PRKAR1B: variants seen among roughly 807,000 people sequenced by gnomAD.
PRKAR1B encodes protein kinase cAMP-dependent type I regulatory subunit beta.
A neutral mutation model predicts 46.5 loss-of-function variants in PRKAR1B; 22 were observed. The observed-to-expected ratio is 0.47, with a 90% confidence interval of 0.34 to 0.68. The LOEUF (loss-of-function observed/expected upper bound fraction) is 0.68. Ranked by LOEUF, PRKAR1B falls within the 30% of genes least tolerant of loss-of-function variation. The pLI is 0.01. For missense variants in PRKAR1B, 445 were observed against 535.6 expected, an observed-to-expected ratio of 0.83 and a Z score of 1.67; for synonymous variants, 259 against 217.7, an observed-to-expected ratio of 1.19 and a Z score of -1.67.
At chr7:692,272 C>A (rs961203258) in intron 2 of PRKAR1B, among the ~76,000 whole-genome samples, 1 of 152,196 alleles carries the variant, frequency 6.6e-6, no homozygotes, top group African/African-American at 2.4e-5. Context: ...TGGTGGCGCA[C>A]GCCTGTAATC....
At chr7:556,875 G>A (rs533961073) in intron 9 of PRKAR1B, among the ~76,000 whole-genome samples, 13 of 152,310 alleles carry the variant, frequency 8.5e-5, no homozygotes, top group Non-Finnish European at 1.5e-4. Context: ...GAAAGTCTGC[G>A]TCATAAAAGA....
intron 2 of PRKAR1B, among the ~76,000 whole-genome samples, chr7:703,715 A>C (rs1780177643): frequency 6.6e-6 from 1 of 152,006 alleles, no homozygotes. Flanking sequence ...AACCCCTCAA[A>C]CAACCAGACC....
intron 4 of PRKAR1B, among the ~76,000 whole-genome samples, chr7:669,883 T>TTTTTTTTTTG (rs770566286): frequency 6.9e-6 from 1 of 144,738 alleles, no homozygotes; most frequent in African/African-American, 2.6e-5. Flanking sequence ...TTTTTTTTTT[T>TTTTTTTTTTG]GAGACGGAGT....
At chr7:570,466 T>C (rs542807525) in intron 9 of PRKAR1B, among the ~76,000 whole-genome samples, 223 of 152,060 alleles carry the variant, frequency 1.5e-3, no homozygotes, top group Non-Finnish European at 2.1e-3. Context: ...TCCCCGAGGC[T>C]GTCAGGATGC....
At chr7:583,662 A>G (rs10267019) in intron 8 of PRKAR1B, among the ~76,000 whole-genome samples, 6 of 138,414 alleles carry the variant, frequency 4.3e-5, no homozygotes, top group Admixed American at 7.0e-5. Context: ...ACCCATGCGC[A>G]CACACCCACA....
intron 7 of PRKAR1B, among the ~76,000 whole-genome samples, chr7:585,676 C>A (rs1398152722): frequency 6.6e-6 from 1 of 152,012 alleles, no homozygotes; most frequent in East Asian, 1.9e-4. Flanking sequence ...ACACACTGAC[C>A]CACATCGACC....
intron 7 of PRKAR1B, among the ~76,000 whole-genome samples, chr7:588,816 A>ATGGTGGTGACGGTGGTGATGG (rs1562542313): frequency 2.3e-5 from 1 of 42,668 alleles, no homozygotes. Context: ...GGTGATCACG[A>ATGGTGGTGACGGTGGTGATGG]TGATGGTGGT....
chr7:635,580 C>T (rs1784000742), intron 4 of PRKAR1B, among the ~76,000 whole-genome samples: 1 of 152,200 alleles, frequency 6.6e-6, no homozygotes, highest in Non-Finnish European at 1.5e-5. Context: ...GGAACCCAGG[C>T]CTGGAGCCCG....
chr7:633,917 T>C (rs1290162846), intron 4 of PRKAR1B, among the ~76,000 whole-genome samples: 3 of 152,168 alleles, frequency 2.0e-5, no homozygotes. Context: ...CCAGGCACAG[T>C]GGCTCACACC....
intron 2 of PRKAR1B, among the ~76,000 whole-genome samples, chr7:685,170 G>C (rs1162635496): frequency 1.4e-5 from 2 of 147,256 alleles, no homozygotes; most frequent in African/African-American, 2.5e-5. Context: ...ATCTTAAAAA[G>C]AGACAAAGAC....
At chr7:671,604 G>A (rs528110500) in intron 4 of PRKAR1B, among the ~76,000 whole-genome samples, 8 of 152,178 alleles carry the variant, frequency 5.3e-5, no homozygotes, top group South Asian at 4.2e-4. Context: ...GATTATAGGC[G>A]TGTACCACCA....
chr7:569,626 C>T (rs1355109707), intron 9 of PRKAR1B, among the ~76,000 whole-genome samples: 1 of 152,158 alleles, frequency 6.6e-6, no homozygotes, highest in African/African-American at 2.4e-5. Context: ...GGGTCAGAGC[C>T]GGGTGGACCT....
chr7:645,190 G>T (rs906399827), intron 4 of PRKAR1B, among the ~76,000 whole-genome samples: 1 of 152,118 alleles, frequency 6.6e-6, no homozygotes, highest in African/African-American at 2.4e-5. Context: ...ATGAGAACCC[G>T]GCCTGCAGCA....
At chr7:726,658 C>T (rs902742197) in intron 1 of PRKAR1B, 2 of 1,165,532 alleles carry the variant, frequency 1.7e-6, no homozygotes, top group Non-Finnish European at 1.1e-6. Context: ...GGAAGTGCTG[C>T]CGTAATCTGC....
At chr7:672,307 T>C (rs2128502482) in intron 4 of PRKAR1B, among the ~76,000 whole-genome samples, 1 of 152,122 alleles carries the variant, frequency 6.6e-6, no homozygotes, top group African/African-American at 2.4e-5. Flanking sequence ...TGCGCAACTG[T>C]GCTCAGCCTA....
At chr7:685,392 A>ACG (rs1779037338) in intron 2 of PRKAR1B, among the ~76,000 whole-genome samples, 1 of 123,068 alleles carries the variant, frequency 8.1e-6, no homozygotes, top group African/African-American at 3.3e-5. Context: ...ATACATATAT[A>ACG]TATATATATG....
At chr7:688,239 A>G (rs1779208940) in intron 2 of PRKAR1B, among the ~76,000 whole-genome samples, 1 of 151,752 alleles carries the variant, frequency 6.6e-6, no homozygotes, top group African/African-American at 2.4e-5. Flanking sequence ...CATCTCTACT[A>G]GAAAAATACA....
chr7:672,408 T>C (rs2128502567), intron 4 of PRKAR1B, among the ~76,000 whole-genome samples: 1 of 151,930 alleles, frequency 6.6e-6, no homozygotes, highest in East Asian at 2.0e-4. Flanking sequence ...CACCTCAGCC[T>C]CCCAGAGTGT....
At chr7:721,129 C>G (rs563497826) in intron 1 of PRKAR1B, among the ~76,000 whole-genome samples, 1 of 152,222 alleles carries the variant, frequency 6.6e-6, no homozygotes, top group African/African-American at 2.4e-5. Context: ...AGTGGACAAA[C>G]CTTCCTTCCA....
Sources: allele counts gnomAD v4.1 joint callset (sites outside exome capture counted in the v4.1 genomes callset), GRCh38; gene constraint gnomAD v4.1.1; transcripts MANE v1.5; gene names NCBI Gene and HGNC (gene_info 2026-07-23, HGNC 2026-07-21).